ZNF385D: variants seen among roughly 807,000 people sequenced by gnomAD.
ZNF385D encodes the protein zinc finger protein 659.
ZNF385D carries 15 observed loss-of-function variants against 35.8 expected under a neutral mutation model. The observed-to-expected ratio is 0.42, with a 90% CI of 0.28 to 0.64. The LOEUF is 0.64. Ranked by LOEUF, ZNF385D falls within the 30% of genes least tolerant of loss-of-function variation. ZNF385D has a pLI of 0.23. For synonymous variants in ZNF385D, 212 were observed against 186.8 expected (o/e 1.13, Z -1.10); for missense variants, 474 against 494.6 (o/e 0.96, Z 0.39).
Position 21,681,314 on chromosome 3 carries a change from A to AAC in ZNF385D, c.23-16287_23-16286insGT, listed in dbSNP as rs2066897963. 1.1e-4 allele frequency among the ~76,000 whole-genome samples: 17 copies of AAC among 149,838 alleles called. No individual in the cohort carries two copies. In the South Asian group the frequency reaches 3.6e-3, roughly 31 times the overall value. ...TTCCATCAGTAAAAAAAAAAAAAAA[A>AAC]AAAAAAAAAACCTACATTTTTGGCA... On this transcript the variant is annotated intron_variant, in intron 1 of 7. Transcript: ENST00000281523.
At position 22,050,213 on chromosome 3, in the gene ZNF385D, G is replaced by T. The variant is rs372562582; in HGVS notation, c.325+118604C>A. 3.3e-5 allele frequency among the ~76,000 whole-genome samples: 5 copies of T among 149,972 alleles called. No homozygotes were observed. The South Asian group carries it at 1.1e-3, about 32-fold the overall frequency. The stretch of plus-strand genomic sequence containing the variant: ...AGATTGGGTTTAAAAAAAAAAAAAA[G>T]CAGCTCTCTGTGGTGGTACACGCTT... On this transcript the variant is annotated intron_variant, in intron 3 of 5. Coordinates refer to the ZNF385D transcript ENST00000494108.
chr3:22,311,781 C>T (rs1174154689), intron 2 of ZNF385D, among the ~76,000 whole-genome samples: 4 of 152,000 alleles, frequency 2.6e-5, no homozygotes, highest in African/African-American at 4.8e-5. Context: ...ACTTCAAAAA[C>T]GCAGATGAAG....
At chr3:21,907,399 TA>T (rs1359479358) in intron 3 of ZNF385D, among the ~76,000 whole-genome samples, 2 of 152,180 alleles carry the variant, frequency 1.3e-5, no homozygotes, top group African/African-American at 4.8e-5. Context: ...TTTTTTTGTA[TA>T]ATAAAATCCA....
At chr3:22,229,738 C>G (rs908289394) in intron 2 of ZNF385D, among the ~76,000 whole-genome samples, 2 of 152,140 alleles carry the variant, frequency 1.3e-5, no homozygotes, top group African/African-American at 4.8e-5. Context: ...AGTGGTCACT[C>G]AAACATTTTT....
intron 3 of ZNF385D, among the ~76,000 whole-genome samples, chr3:21,793,349 A>G (rs557044809): frequency 4.1e-4 from 63 of 152,222 alleles, no homozygotes; most frequent in Non-Finnish European, 3.4e-4. Flanking sequence ...ATAAACCAGA[A>G]AAGTCAGCTC....
intron 3 of ZNF385D, among the ~76,000 whole-genome samples, chr3:22,141,049 A>T (rs1044772951): frequency 6.6e-6 from 1 of 152,220 alleles, no homozygotes; most frequent in South Asian, 2.1e-4. Context: ...AGTACAACAA[A>T]TTCTCAGAGA....
At chr3:21,520,252 C>A (rs778389842) in intron 3 of ZNF385D, among the ~76,000 whole-genome samples, 5 of 152,144 alleles carry the variant, frequency 3.3e-5, no homozygotes, top group Non-Finnish European at 7.3e-5. Context: ...ATGTCACTGC[C>A]ATAAGAAGGG....
rs148788193 is a variant in ZNF385D, at chr3:21,944,209, C to T, written c.325+224608G>A. Among the ~76,000 whole-genome samples the T allele has an allele frequency of 5.5e-4, 83 of 152,236 alleles. No homozygotes were observed. The East Asian group carries it at 0.015, about 27-fold the overall frequency. The stretch of plus-strand genomic sequence containing the variant: ...GCACTTTCTGCTAATGAAAAGAGAG[C>T]AGGCTGTACAAATCTTCTTAAGTCT... On this transcript the variant is annotated intron_variant, in intron 3 of 5. Transcript: ENST00000494108.
At chr3:22,013,967 A>G (rs1254823179) in intron 3 of ZNF385D, among the ~76,000 whole-genome samples, 4 of 152,178 alleles carry the variant, frequency 2.6e-5, no homozygotes, top group African/African-American at 9.7e-5. Flanking sequence ...ATATATTAAC[A>G]AACTGACCAA....
intron 2 of ZNF385D, among the ~76,000 whole-genome samples, chr3:22,212,183 G>A (rs1356969877): frequency 6.6e-6 from 1 of 151,948 alleles, no homozygotes. Context: ...AAAGGACTGA[G>A]GAAGAGGGAG....
At position 21,718,972 on chromosome 3, in the gene ZNF385D, A is replaced by G. The variant is rs117901840; in HGVS notation, c.22+31923T>C. Among the ~76,000 whole-genome samples, 4 of 152,362 alleles carry G rather than the reference A, an allele frequency of 2.6e-5. No individual in the cohort carries two copies. The East Asian group carries it at 7.7e-4, about 29-fold the overall frequency. ...AAAATTAATGAAGAAAAATTATTCA[A>G]AAACTTCTAAAATTTTAAGCGGCTA... On this transcript the variant is annotated intron_variant, in intron 1 of 7. Transcript: ENST00000281523.
intron 3 of ZNF385D, among the ~76,000 whole-genome samples, chr3:22,068,102 A>G (rs1014357179): frequency 6.6e-6 from 1 of 152,236 alleles, no homozygotes; most frequent in Non-Finnish European, 1.5e-5. Flanking sequence ...ACTGAATTTA[A>G]GTAAAATTTA....
intron 2 of ZNF385D, among the ~76,000 whole-genome samples, chr3:22,332,500 T>C (rs2125462575): frequency 6.6e-6 from 1 of 152,250 alleles, no homozygotes; most frequent in African/African-American, 2.4e-5. Context: ...TAGAAAGTAA[T>C]CAGGCTTTAA....
intron 3 of ZNF385D, among the ~76,000 whole-genome samples, chr3:21,836,738 A>C (rs2670280): frequency 0.89 from 135,498 of 152,088 alleles, 60,618 homozygotes; most frequent in African/African-American, 0.96. Context: ...TACATTTTAC[A>C]TATATAAAAT....
chr3:21,721,347 A>G (rs1305644461), intron 1 of ZNF385D, among the ~76,000 whole-genome samples: 4 of 151,576 alleles, frequency 2.6e-5, no homozygotes, highest in Non-Finnish European at 4.4e-5. Flanking sequence ...AGAAAGGGCA[A>G]CTAAAATCTT....
Position 21,419,950 on chromosome 3 carries a change from A to C in ZNF385D, c.*1264T>G, listed in dbSNP as rs9824797. ...CTGATGGTGAATATCAAAGGCTCTC[A>C]GTATTTCACAACTCCACTGGAGAAA... On this transcript the variant is annotated 3_prime_UTR_variant, in exon 8 of 8. Coordinates refer to ENST00000281523, the MANE Select transcript of ZNF385D (RefSeq NM_024697.3). The C allele has an allele frequency of 6.6e-6, 1 of 151,858 alleles. No individual in the cohort carries two copies. The highest frequency in any genetic ancestry group is 1.5e-5 in the Non-Finnish European group (1 of 67,930). The allele number at this position is 151,858 out of a possible 1,614,324, so 9.4% of individuals were successfully genotyped here.
At chr3:21,589,456 A>G (rs1353072629) in intron 2 of ZNF385D, among the ~76,000 whole-genome samples, 1 of 152,220 alleles carries the variant, frequency 6.6e-6, no homozygotes, top group Non-Finnish European at 1.5e-5. Context: ...TTAAATGCGA[A>G]AAGCAAAATT....
At chr3:22,025,532 G>C (rs992568641) in intron 3 of ZNF385D, among the ~76,000 whole-genome samples, 1 of 152,156 alleles carries the variant, frequency 6.6e-6, no homozygotes, top group African/African-American at 2.4e-5. Context: ...AGTTGGATCA[G>C]GGTGAATTTA....
chr3:21,619,413 CGTGTGTGT>C (rs10594035), intron 2 of ZNF385D, among the ~76,000 whole-genome samples: 37 of 147,856 alleles, frequency 2.5e-4, no homozygotes, highest in South Asian at 1.1e-3. Flanking sequence ...CGTGTGTGTG[CGTGTGTGT>C]GTGTGTGTGT....
Sources: gnomAD v4.1 joint callset for allele counts (sites outside exome capture counted in the v4.1 genomes callset) on GRCh38, gnomAD v4.1.1 for gene constraint, MANE v1.5 for transcripts, NCBI Gene and HGNC (gene_info 2026-07-23, HGNC 2026-07-21) for gene names.